The following GPC6 variants were observed in gnomAD, a reference collection of about 807,000 sequenced individuals.
The protein encoded by GPC6 is glypican 6, also known as glypican-6.
A neutral mutation model predicts 55.2 loss-of-function variants in GPC6; 14 were observed. That is an observed-to-expected ratio of 0.25 (90% CI 0.17 to 0.40). GPC6 has a LOEUF of 0.40. GPC6 is among the 10% of genes least tolerant of loss of function. The pLI is 1.00. For missense variants in GPC6, 641 were observed against 708.5 expected, an observed-to-expected ratio of 0.90 and a Z score of 1.08; for synonymous variants, 278 against 259.6, an observed-to-expected ratio of 1.07 and a Z score of -0.68.
rs186215005 is a variant in GPC6, at chr13:93,849,030, T to G, written c.711+18485T>G. On this transcript the variant is annotated intron_variant, in intron 3 of 8. Transcript: ENST00000377047. ...TTTCAGCATGTTTGTTGATTCAAAG[T>G]TTTCACATTGTACCATACAGTGGGC... 1.5e-3 allele frequency among the ~76,000 whole-genome samples: 224 copies of G among 152,148 alleles called. 1 individual carries two copies. Among genetic ancestry groups the G allele is most frequent in the African/African-American group, 5.1e-3 (212 of 41,564 alleles).
rs975453653 is a variant in GPC6, at chr13:93,308,904, G to A, written c.160+81288G>A. Among the ~76,000 whole-genome samples the A allele has an allele frequency of 3.3e-5, 5 of 152,160 alleles. No individual in the cohort carries two copies. The South Asian group carries it at 8.3e-4, about 25-fold the overall frequency. ...GTGGGAATACTGATCATCATTGTAG[G>A]ATCATAATTGAATAATTTATCCTCT... On this transcript the variant is annotated intron_variant, in intron 1 of 8. Coordinates refer to ENST00000377047, the MANE Select transcript of GPC6 (RefSeq NM_005708.5).
In GPC6 at chr13:93,707,555, A is replaced by G. The variant is rs538123121; in HGVS notation, c.320-122599A>G. On this transcript the variant is annotated intron_variant, in intron 2 of 8. Coordinates refer to ENST00000377047, the MANE Select transcript of GPC6 (RefSeq NM_005708.5). ...AAATGAAGTAGGCTCTCCTGTCCCC[A>G]TCAAGGCAATTTCTGGACTGTACAT... 3.3e-5 allele frequency among the ~76,000 whole-genome samples: 5 copies of G among 151,872 alleles called. No homozygotes were observed. The South Asian group carries it at 1.0e-3, about 31-fold the overall frequency.
intron 6 of GPC6, among the ~76,000 whole-genome samples, chr13:94,346,981 C>T (rs947870740): frequency 1.3e-5 from 2 of 152,150 alleles, no homozygotes; most frequent in Non-Finnish European, 2.9e-5. Context: ...GCAGCCTTTC[C>T]ACCCATAGCA....
chr13:93,326,486 CT>C (rs1879660143), intron 1 of GPC6, among the ~76,000 whole-genome samples: 1 of 152,150 alleles, frequency 6.6e-6, no homozygotes, highest in Non-Finnish European at 1.5e-5. Context: ...GCAGTTCAAG[CT>C]TTAGAAGAAA....
intron 1 of GPC6, among the ~76,000 whole-genome samples, chr13:93,439,355 T>G (rs1052618040): frequency 6.6e-6 from 1 of 152,092 alleles, no homozygotes; most frequent in African/African-American, 2.4e-5. Context: ...GGTAATTGAA[T>G]CATGGGAGTT....
At chr13:94,139,331 A>G (rs1322977860) in intron 4 of GPC6, among the ~76,000 whole-genome samples, 2 of 152,190 alleles carry the variant, frequency 1.3e-5, no homozygotes, top group African/African-American at 4.8e-5. Context: ...AAAATACACA[A>G]CAGTTCAGAA....
chr13:94,205,079 A>T (rs918458377), intron 4 of GPC6, among the ~76,000 whole-genome samples: 1 of 152,214 alleles, frequency 6.6e-6, no homozygotes, highest in African/African-American at 2.4e-5. Context: ...ATGTAATGTG[A>T]TATAAAAACA....
intron 4 of GPC6, among the ~76,000 whole-genome samples, chr13:94,137,448 G>A (rs957462860): frequency 2.0e-5 from 3 of 152,072 alleles, no homozygotes; most frequent in African/African-American, 7.2e-5. Flanking sequence ...GATATAGAGA[G>A]GTGAGAGACT....
At chr13:93,264,892 A>G (rs1034788597) in intron 1 of GPC6, among the ~76,000 whole-genome samples, 2 of 152,144 alleles carry the variant, frequency 1.3e-5, no homozygotes, top group African/African-American at 2.4e-5. Context: ...CCATGGATAG[A>G]GGGCTTACCG....
intron 1 of GPC6, among the ~76,000 whole-genome samples, chr13:93,477,524 A>C (rs1879344167): frequency 6.6e-6 from 1 of 152,194 alleles, no homozygotes; most frequent in African/African-American, 2.4e-5. Context: ...GAATGACTGG[A>C]TTAGTAAGAT....
intron 3 of GPC6, among the ~76,000 whole-genome samples, chr13:93,935,825 T>C (rs1457151479): frequency 6.6e-6 from 1 of 152,224 alleles, no homozygotes; most frequent in Non-Finnish European, 1.5e-5. Context: ...AGGTAGTTCT[T>C]GGACCATCTG....
intron 3 of GPC6, 66 bp downstream of exon 3, chr13:93,830,611 T>TAA: frequency 4.6e-6 from 3 of 649,544 alleles, no homozygotes; most frequent in Non-Finnish European, 4.3e-6. Flanking sequence ...AAACCAATGT[T>TAA]TAAAAAAAAA....
chr13:94,012,708 G>C (rs557881527), intron 3 of GPC6, among the ~76,000 whole-genome samples: 1 of 152,154 alleles, frequency 6.6e-6, no homozygotes, highest in South Asian at 2.1e-4. Flanking sequence ...GTTCCTGAGA[G>C]AGTGATTGAT....
At chr13:94,232,676 C>T (rs935691222) in intron 4 of GPC6, among the ~76,000 whole-genome samples, 2 of 152,022 alleles carry the variant, frequency 1.3e-5, no homozygotes, top group Admixed American at 6.6e-5. Flanking sequence ...TTTTATTCAA[C>T]GATGACATAT....
At chr13:93,455,715 G>A (rs11619170) in intron 1 of GPC6, among the ~76,000 whole-genome samples, 65,810 of 151,916 alleles carry the variant, frequency 0.43, 15,483 homozygotes, top group Middle Eastern at 0.61. Context: ...TGAGGCTGGT[G>A]GAAGGTCCTA....
At chr13:93,466,695 G>T (rs546182995) in intron 1 of GPC6, among the ~76,000 whole-genome samples, 1 of 152,152 alleles carries the variant, frequency 6.6e-6, no homozygotes, top group African/African-American at 2.4e-5. Flanking sequence ...CAAAGAATAC[G>T]CATTCTAGTA....
intron 1 of GPC6, among the ~76,000 whole-genome samples, chr13:93,488,752 G>A (rs563618117): frequency 9.9e-5 from 15 of 152,166 alleles, no homozygotes; most frequent in Non-Finnish European, 1.9e-4. Context: ...GTATTTTTTG[G>A]CTGCATAAAT....
chr13:93,557,115 T>C (rs1040596975), intron 2 of GPC6, among the ~76,000 whole-genome samples: 12 of 152,212 alleles, frequency 7.9e-5, no homozygotes, highest in Non-Finnish European at 1.6e-4. Flanking sequence ...CATGAAACTT[T>C]ATTCAAATAA....
At chr13:93,310,740 T>C (rs1453510570) in intron 1 of GPC6, among the ~76,000 whole-genome samples, 2 of 152,218 alleles carry the variant, frequency 1.3e-5, no homozygotes, top group East Asian at 3.9e-4. Context: ...GACGCTACTT[T>C]GTTGCATTCT....
Sources: allele counts gnomAD v4.1 joint callset (sites outside exome capture counted in the v4.1 genomes callset), GRCh38; gene constraint gnomAD v4.1.1; transcripts MANE v1.5; gene names NCBI Gene and HGNC (gene_info 2026-07-23, HGNC 2026-07-21).